Variants in WDR49 observed in about 807,000 individuals in gnomAD.
WDR49 encodes the protein cilia- and flagella-associated protein 337.
WDR49 carries 107 observed loss-of-function variants against 119.5 expected under a neutral mutation model. The ratio of observed to expected loss-of-function variants is 0.90; its 90% confidence interval spans 0.77 to 1.05. The LOEUF (loss-of-function observed/expected upper bound fraction) is 1.05, where lower values mean the gene tolerates loss of function less well. Among genes scored for constraint, WDR49 ranks in the 50% least tolerant of loss-of-function variants. The pLI is 0.00. For missense variants in WDR49, 1,240 were observed against 1,220.5 expected (o/e 1.02, Z -0.24); for synonymous variants, 425 against 418.8 (o/e 1.01, Z -0.18).
At chr3:167,567,494 A>G (rs1577245195) in intron 8 of WDR49, among the ~76,000 whole-genome samples, 1 of 152,288 alleles carries the variant, frequency 6.6e-6, no homozygotes, top group East Asian at 1.9e-4. Flanking sequence ...AGTTTTCTTC[A>G]GCAGGAATTT....
At chr3:167,540,987 C>T (rs1442298972) in intron 10 of WDR49, among the ~76,000 whole-genome samples, 1 of 151,322 alleles carries the variant, frequency 6.6e-6, no homozygotes, top group Non-Finnish European at 1.5e-5. Context: ...TCAAATCAAC[C>T]CAATCAGAAA....
intron 7 of WDR49, among the ~76,000 whole-genome samples, chr3:167,583,620 A>G (rs1436589968): frequency 6.6e-6 from 1 of 152,166 alleles, no homozygotes; most frequent in Non-Finnish European, 1.5e-5. Flanking sequence ...CCAAAAAAAC[A>G]AGGGAAAAAG....
chr3:167,557,779 A>G (rs1288065466), intron 9 of WDR49, among the ~76,000 whole-genome samples: 1 of 151,828 alleles, frequency 6.6e-6, no homozygotes, highest in Non-Finnish European at 1.5e-5. Flanking sequence ...TCAGGATAAG[A>G]GTACCAACCT....
rs973678093 is a variant in WDR49 at position 167,478,982 on chromosome 3, A to G, written c.3046T>C (p.Phe1016Leu). Reference sequence around the variant, plus strand: ...TTGGGAAACAGGTTTTTCTCATCAAATACAGCTTTCAAAGCTACAAAATGA... The same window carrying G: ...TTGGGAAACAGGTTTTTCTCATCAAGTACAGCTTTCAAAGCTACAAAATGA... ...PSLFKTLKAV[F>L]DEKNLFPKEI... is the part of the protein sequence containing the mutation. Residue 1016 changes from phenylalanine (F) to leucine (L), a missense_variant, in exon 19 of 19, where the codon TTT becomes CTT. Transcript: ENST00000682715. 2 of 1,605,688 alleles carry G rather than the reference A, an allele frequency of 1.2e-6. No homozygotes were observed. The highest frequency in any genetic ancestry group is 8.5e-7 in the Non-Finnish European group (1 of 1,177,070).
Position 167,626,907 on chromosome 3 carries a change from G to GT in WDR49, c.550dup (p.Thr184AsnfsTer27), listed in dbSNP as rs1717153958. 7.9e-7 allele frequency: 1 copy of GT among 1,267,838 alleles called. No homozygotes were observed. The highest frequency in any genetic ancestry group is 9.9e-7 in the Non-Finnish European group (1 of 1,007,134). 78.5% of individuals were successfully genotyped at this position (1,267,838 alleles called of 1,614,324 possible). A position where few individuals can be genotyped will look rare whatever the true frequency, so the allele number is the denominator to read the frequency against. ...TGTCACCCACAGGTGTTTGAGCTTG[G>GT]TGGCATCTGAAGTGATGGGGAATGT... On this transcript the variant is annotated frameshift_variant, in exon 3 of 19. Transcript: ENST00000682715. LOFTEE classifies it high-confidence loss of function.
chr3:167,564,666 T>A (rs1713481097), intron 8 of WDR49, among the ~76,000 whole-genome samples: 1 of 152,194 alleles, frequency 6.6e-6, no homozygotes, highest in African/African-American at 2.4e-5. Flanking sequence ...CCAGGACACA[T>A]GGGCCTCCTC....
At chr3:167,540,851 GA>G (rs879640163) in intron 10 of WDR49, among the ~76,000 whole-genome samples, 10 of 151,378 alleles carry the variant, frequency 6.6e-5, no homozygotes, top group Non-Finnish European at 1.5e-4. Flanking sequence ...ATATCAAAAA[GA>G]AAAAAACAAT....
intron 7 of WDR49, among the ~76,000 whole-genome samples, chr3:167,582,949 AACAC>A (rs369014712): frequency 3.4e-5 from 5 of 149,140 alleles, no homozygotes; most frequent in African/African-American, 1.2e-4. Context: ...TCTCAAAACA[AACAC>A]ACACACACAC....
At chr3:167,537,095 T>C (rs761549033) in intron 10 of WDR49, 95 bp from the exon 11 acceptor site, 45 of 1,262,176 alleles carry the variant, frequency 3.6e-5, no homozygotes, top group Non-Finnish European at 4.2e-5. Flanking sequence ...CCAAGACTTT[T>C]AAAAGACTAT....
At chr3:167,535,594 ATAAAAG>A (rs1193017838) in intron 11 of WDR49, among the ~76,000 whole-genome samples, 1 of 152,146 alleles carries the variant, frequency 6.6e-6, no homozygotes, top group Non-Finnish European at 1.5e-5. Context: ...AAATCAAAAG[ATAAAAG>A]TATTGGTGAA....
At chr3:167,566,037 C>T (rs573067918) in intron 8 of WDR49, among the ~76,000 whole-genome samples, 4 of 152,220 alleles carry the variant, frequency 2.6e-5, no homozygotes, top group African/African-American at 9.6e-5. Context: ...GTACTGAGAA[C>T]TCTGCCTGAC....
chr3:167,618,231 G>A (rs1716696422), intron 5 of WDR49, among the ~76,000 whole-genome samples: 1 of 151,998 alleles, frequency 6.6e-6, no homozygotes. Context: ...TCAAAATCTT[G>A]TTTATAAGAT....
chr3:167,526,897 A>G (rs1752652853), intron 15 of WDR49, among the ~76,000 whole-genome samples: 1 of 86,106 alleles, frequency 1.2e-5, no homozygotes, highest in African/African-American at 4.8e-5. Flanking sequence ...AGCTGGCCAA[A>G]CAGATATTGA....
intron 2 of WDR49, among the ~76,000 whole-genome samples, chr3:167,629,822 A>C (rs1280481041): frequency 6.6e-6 from 1 of 152,114 alleles, no homozygotes; most frequent in African/African-American, 2.4e-5. Context: ...AAATGACAAG[A>C]GAACTCGAAT....
chr3:167,587,777 C>A (rs75866979), intron 7 of WDR49, among the ~76,000 whole-genome samples: 4,109 of 152,196 alleles, frequency 0.027, 174 homozygotes, highest in East Asian at 0.17. Flanking sequence ...AGGCACCACA[C>A]GAGCCCTCTT....
Position 167,500,252 on chromosome 3 carries a change from C to T in WDR49, c.2932G>A (p.Val978Met). 6.2e-7 allele frequency: 1 copy of T among 1,607,398 alleles called. No individual in the cohort carries two copies. The highest frequency in any genetic ancestry group is 2.3e-5 in the East Asian group (1 of 44,408). ...TCTAGAAGGAAAGCAGGTTTATTCA[C>T]TTCAGGCAGCTCTTCCAGGGCTCCA... ...NIGALEELPE[V>M]NKPAFLLDPE... Residue 978 changes from valine to methionine, a missense_variant, in exon 18 of 19, where the codon GTG becomes ATG. Transcript: ENST00000682715.
intron 17 of WDR49, among the ~76,000 whole-genome samples, chr3:167,503,391 A>AG (rs1751649602): frequency 6.6e-6 from 1 of 152,166 alleles, no homozygotes; most frequent in African/African-American, 2.4e-5. Flanking sequence ...TGCTTCCAAA[A>AG]TGGCGGTGGG....
intron 7 of WDR49, among the ~76,000 whole-genome samples, chr3:167,599,939 T>G (rs1715676690): frequency 6.6e-6 from 1 of 152,130 alleles, no homozygotes; most frequent in Non-Finnish European, 1.5e-5. Flanking sequence ...TCAAGGACTC[T>G]TTAGTCAACA....
chr3:167,603,755 A>C (rs2108307335), intron 6 of WDR49, among the ~76,000 whole-genome samples: 1 of 152,294 alleles, frequency 6.6e-6, no homozygotes, highest in African/African-American at 2.4e-5. Flanking sequence ...AGTTAAAATA[A>C]ACTTTTTTTA....
Sources: gnomAD v4.1 joint callset for allele counts (sites outside exome capture counted in the v4.1 genomes callset) on GRCh38, gnomAD v4.1.1 for gene constraint, MANE v1.5 for transcripts, NCBI Gene and HGNC (gene_info 2026-07-23, HGNC 2026-07-21) for gene names.